The following NHSL1 variants were observed in gnomAD, a reference collection of about 807,000 sequenced individuals.
The protein encoded by NHSL1 is NHS-like protein 1.
Under a neutral mutation model 95.0 loss-of-function variants are expected in NHSL1, and 48 were observed. That is an observed-to-expected ratio of 0.51 (90% CI 0.40 to 0.64). NHSL1 has a LOEUF of 0.64. Ranked by LOEUF, NHSL1 falls within the 30% of genes least tolerant of loss-of-function variation. The pLI, the probability that NHSL1 is intolerant of heterozygous loss-of-function variation, is 0.00. For missense variants in NHSL1, 1,971 were observed against 2,077.7 expected (o/e 0.95, Z 1.00); for synonymous variants, 783 against 833.9 (o/e 0.94, Z 1.05).
chr6:138,565,896 T>C (rs1783595443), intron 1 of NHSL1, among the ~76,000 whole-genome samples: 1 of 151,690 alleles, frequency 6.6e-6, no homozygotes, highest in South Asian at 2.1e-4. Context: ...GGAGCTATGA[T>C]TGTGCCATTG....
upstream of NHSL1, among the ~76,000 whole-genome samples, chr6:138,546,527 T>C (rs867263527): frequency 2.0e-5 from 3 of 151,314 alleles, no homozygotes; most frequent in South Asian, 6.3e-4. Context: ...GAGGATTGTT[T>C]GAGACCAAGA....
At chr6:138,448,018 A>C (rs1041329971) in intron 3 of NHSL1, among the ~76,000 whole-genome samples, 2 of 152,218 alleles carry the variant, frequency 1.3e-5, no homozygotes, top group African/African-American at 2.4e-5. Flanking sequence ...ATCAGTGTGA[A>C]ATTGTTAACT....
intron 3 of NHSL1, among the ~76,000 whole-genome samples, chr6:138,471,072 T>C (rs887724642): frequency 6.6e-6 from 1 of 152,154 alleles, no homozygotes; most frequent in Non-Finnish European, 1.5e-5. Flanking sequence ...TTGTCGACCC[T>C]CTCACACACA....
intron 1 of NHSL1, among the ~76,000 whole-genome samples, chr6:138,593,085 C>T (rs1318827170): frequency 6.6e-6 from 1 of 152,188 alleles, no homozygotes; most frequent in African/African-American, 2.4e-5. Flanking sequence ...AACATACACA[C>T]CCACTTCCAC....
chr6:138,610,332 T>C lies in NHSL1; in HGVS notation c.96+82144A>G, dbSNP rs141720365. Among the ~76,000 whole-genome samples, 986 of 151,902 alleles carry C rather than the reference T, an allele frequency of 6.5e-3. 12 individuals are homozygous for C. Among genetic ancestry groups the C allele is most frequent in the African/African-American group, 0.019 (804 of 41,396 alleles). On this transcript the variant is annotated intron_variant, in intron 1 of 3. Coordinates refer to the NHSL1 transcript ENST00000491526. ...GCATGTTCTCACTCATAGGTGGGAA[T>C]TGAACAATGAGAACACTTGGACACA...
intron 1 of NHSL1, among the ~76,000 whole-genome samples, chr6:138,665,762 A>G (rs2114745029): frequency 6.6e-6 from 1 of 152,284 alleles, no homozygotes; most frequent in Middle Eastern, 3.4e-3. Context: ...AGACATTACT[A>G]ACACTTAATT....
chr6:138,548,713 G>A (rs1247833550), upstream of NHSL1, among the ~76,000 whole-genome samples: 2 of 152,138 alleles, frequency 1.3e-5, no homozygotes, highest in Non-Finnish European at 2.9e-5. Context: ...TTTTTGGTAT[G>A]AATACACACA....
At chr6:138,589,660 C>T (rs1197298184) in intron 1 of NHSL1, among the ~76,000 whole-genome samples, 1 of 152,214 alleles carries the variant, frequency 6.6e-6, no homozygotes, top group Non-Finnish European at 1.5e-5. Context: ...CCTGTTCATT[C>T]CACCTCCTTC....
chr6:138,514,314 T>A (rs1233612650), intron 1 of NHSL1, among the ~76,000 whole-genome samples: 1 of 128,580 alleles, frequency 7.8e-6, no homozygotes, highest in Admixed American at 8.3e-5. Context: ...CAAGACTCCA[T>A]CTCAAAACAA....
At chr6:138,666,765 G>C (rs1436326592) in intron 1 of NHSL1, among the ~76,000 whole-genome samples, 27 of 152,014 alleles carry the variant, frequency 1.8e-4, no homozygotes, top group Admixed American at 1.8e-3. Flanking sequence ...TACAGGAGGG[G>C]AACAATAACA....
chr6:138,618,764 C>T (rs916026050), intron 1 of NHSL1, among the ~76,000 whole-genome samples: 5 of 152,062 alleles, frequency 3.3e-5, no homozygotes, highest in African/African-American at 7.2e-5. Flanking sequence ...TGACTTGTAC[C>T]GAGTGATCTG....
chr6:138,482,710 G>C (rs978325110), intron 2 of NHSL1, among the ~76,000 whole-genome samples: 11 of 152,094 alleles, frequency 7.2e-5, no homozygotes, highest in Non-Finnish European at 1.0e-4. Flanking sequence ...AGTCACCTTT[G>C]CCACCAACGA....
Position 138,528,763 on chromosome 6 carries a change from A to G in NHSL1, c.16+16860T>C, listed in dbSNP as rs529183657. 6.8e-4 allele frequency among the ~76,000 whole-genome samples: 104 copies of G among 152,342 alleles called. 1 individual carries two copies. Among genetic ancestry groups the G allele is most frequent in the African/African-American group, 2.3e-3 (96 of 41,586 alleles). On this transcript the variant is annotated intron_variant, in intron 1 of 4. Coordinates refer to the NHSL1 transcript ENST00000342260. ...ACTTAAGTCTTTGTCTATCCTGTAC[A>G]TGACAACTAAAATGAATGGTTTTTA...
In NHSL1 at chr6:138,430,454, G is replaced by A. The variant is rs758209940; in HGVS notation, c.3891C>T (p.Ala1297=). Residue 1297 remains alanine, a synonymous_variant, in exon 6 of 8, where the codon GCC becomes GCT. Transcript: ENST00000343505. The surrounding 1 kb of genome is among the most constrained non-coding windows in gnomAD (Gnocchi z 4.7). The part of the protein sequence containing the change: ...VSPAPKQEEP[A]ENSADTGGDG... ...CGCCCCCAGTATCCGCACTGTTCTC[G>A]GCTGGCTCCTCCTGCTTGGGGGCTG... is the stretch of plus-strand genomic sequence containing the variant. 153 of 1,547,010 alleles carry A rather than the reference G, an allele frequency of 9.9e-5. 1 individual carries two copies. The highest frequency in any genetic ancestry group is 1.8e-4 in the African/African-American group (13 of 72,942).
intron 1 of NHSL1, among the ~76,000 whole-genome samples, chr6:138,608,572 CTAT>C (rs374444318): frequency 1.1e-3 from 164 of 152,270 alleles, no homozygotes; most frequent in African/African-American, 3.8e-3. Context: ...TTTCTTGAGC[CTAT>C]TAAGTTTGAT....
intron 1 of NHSL1, among the ~76,000 whole-genome samples, chr6:138,689,854 G>A (rs1465937623): frequency 1.3e-5 from 2 of 151,896 alleles, no homozygotes; most frequent in Non-Finnish European, 2.9e-5. Context: ...CGCCATGTTG[G>A]CCAGGCTGAT....
chr6:138,527,595 T>C (rs557781639), intron 1 of NHSL1, among the ~76,000 whole-genome samples: 1 of 152,046 alleles, frequency 6.6e-6, no homozygotes, highest in South Asian at 2.1e-4. Context: ...ATATGAACAG[T>C]GGAAAGAAGT....
chr6:138,466,657 C>T (rs1043101970), intron 3 of NHSL1, among the ~76,000 whole-genome samples: 4 of 152,162 alleles, frequency 2.6e-5, no homozygotes, highest in South Asian at 2.1e-4. Flanking sequence ...AAGATCATAA[C>T]GGAGCTGAGA....
chr6:138,586,972 CGT>C (rs1784144754), intron 1 of NHSL1, among the ~76,000 whole-genome samples: 1 of 151,630 alleles, frequency 6.6e-6, no homozygotes, highest in African/African-American at 2.4e-5. Context: ...TCGTTGGGCG[CGT>C]GTGTTTTTTT....
Sources: gnomAD v4.1 joint callset for allele counts (sites outside exome capture counted in the v4.1 genomes callset) on GRCh38, gnomAD v4.1.1 for gene constraint, Gnocchi (gnomAD v3.1) non-coding constraint, MANE v1.5 for transcripts, NCBI Gene and HGNC (gene_info 2026-07-23, HGNC 2026-07-21) for gene names.